SFXN5: variants seen among roughly 807,000 people sequenced by gnomAD.
The protein encoded by SFXN5 is sideroflexin-5.
SFXN5 carries 43 observed loss-of-function variants against 50.2 expected under a neutral mutation model. The ratio of observed to expected loss-of-function variants is 0.86; its 90% CI spans 0.67 to 1.11. SFXN5 has a LOEUF of 1.11. SFXN5 is among the 50% of genes least tolerant of loss of function. The probability of loss-of-function intolerance (pLI) is 0.00; values close to 1 mark genes in which losing one functional copy is unlikely to be tolerated. For missense variants in SFXN5, 463 were observed against 454.1 expected (o/e 1.02, Z -0.18); for synonymous variants, 203 against 185.8 (o/e 1.09, Z -0.75).
chr2:73,014,708 G>A (rs1675938366), intron 6 of SFXN5, among the ~76,000 whole-genome samples: 1 of 152,036 alleles, frequency 6.6e-6, no homozygotes, highest in South Asian at 2.1e-4. Flanking sequence ...TCTCTATTAA[G>A]GTCTTGAATA....
chr2:73,046,057 A>AAAAACAACCATGGCTTCC (rs150924610), intron 2 of SFXN5, among the ~76,000 whole-genome samples: 27,261 of 152,092 alleles, frequency 0.18, 4,612 homozygotes, highest in African/African-American at 0.45. Context: ...CAAGAACTTT[A>AAAAACAACCATGGCTTCC]AGCCTGGCTA....
At chr2:72,951,738 G>A (rs976758864) in intron 13 of SFXN5, among the ~76,000 whole-genome samples, 5 of 151,688 alleles carry the variant, frequency 3.3e-5, no homozygotes, top group Non-Finnish European at 5.9e-5. Context: ...TGGGGTGTTC[G>A]GTGTGACCCT....
intron 3 of SFXN5, among the ~76,000 whole-genome samples, chr2:73,036,453 C>A (rs1357914919): frequency 6.6e-6 from 1 of 152,172 alleles, no homozygotes; most frequent in Non-Finnish European, 1.5e-5. Context: ...CTGCAGGCAT[C>A]ACCAACATGA....
At chr2:72,996,663 C>T (rs965794079) in intron 9 of SFXN5, 7 of 151,992 alleles carry the variant, frequency 4.6e-5, no homozygotes, top group Admixed American at 4.6e-4. Context: ...TGTGCACCAC[C>T]ACACCTAATT....
chr2:73,071,631 G>C lies in SFXN5; in HGVS notation c.75C>G (p.Phe25Leu), dbSNP rs7422219. ...GCTGGAAGCGGGGTTTGCCCAGTTG[G>C]AAAGGAGGTGCATCGCTCGAGGCGC... ...AASASSDAPP[F>L]QLGKPRFQQT... Residue 25 changes from phenylalanine to leucine, a missense_variant, in exon 1 of 14, where the codon TTC becomes TTG. Transcript: ENST00000272433. 1 of 1,613,826 alleles carries C rather than the reference G, an allele frequency of 6.2e-7. No homozygotes were observed. Among genetic ancestry groups the C allele is most frequent in the Admixed American group, 1.7e-5 (1 of 60,012 alleles).
At chr2:72,990,521 G>A (rs1205279477) in intron 9 of SFXN5, among the ~76,000 whole-genome samples, 1 of 152,188 alleles carries the variant, frequency 6.6e-6, no homozygotes, top group South Asian at 2.1e-4. Context: ...TGAAGAGGAG[G>A]GGGGCTCGGG....
At chr2:73,001,135 C>G (rs1673857178) in intron 7 of SFXN5, among the ~76,000 whole-genome samples, 1 of 152,230 alleles carries the variant, frequency 6.6e-6, no homozygotes, top group African/African-American at 2.4e-5. Context: ...GTGGATTTAG[C>G]TTCCTCAGCA....
chr2:72,945,241 C>A lies in SFXN5; in HGVS notation c.946-142G>T. The A allele has an allele frequency of 4.1e-6, 3 of 725,022 alleles. No individual in the cohort carries two copies. Among genetic ancestry groups the A allele is most frequent in the Non-Finnish European group, 7.2e-6 (3 of 418,362 alleles). The allele number at this position is 725,022 out of a possible 1,614,324, so 44.9% of individuals were successfully genotyped here. On this transcript the variant is annotated intron_variant, in intron 13 of 13. Coordinates refer to ENST00000272433, the MANE Select transcript of SFXN5 (RefSeq NM_144579.3). This position sits in a 1 kb window ranked among gnomAD's most constrained non-coding sequence, Gnocchi z 5.8. ...TCCACCCCAGCCAGGGCTCACATGCCCTACCTAGTGACACATCTTCCTTCT... is the reference window on the plus strand; with the variant it reads ...TCCACCCCAGCCAGGGCTCACATGCACTACCTAGTGACACATCTTCCTTCT...
intron 10 of SFXN5, among the ~76,000 whole-genome samples, chr2:72,983,787 C>T (rs1486296861): frequency 5.9e-5 from 9 of 152,136 alleles, no homozygotes; most frequent in Non-Finnish European, 8.8e-5. Flanking sequence ...AGGACTTGGC[C>T]CTCCTTCCTG....
chr2:73,001,665 T>A, intron 6 of SFXN5, 87 bp from the exon 7 acceptor site: 1 of 1,286,740 alleles, frequency 7.8e-7, no homozygotes, highest in Non-Finnish European at 1.1e-6. Context: ...CACAAATGAG[T>A]GAGCTGGATC....
rs529887749 is a variant in SFXN5, at chr2:73,056,255, G to A, written c.171+2273C>T. 1.2e-4 allele frequency among the ~76,000 whole-genome samples: 19 copies of A among 152,258 alleles called. No individual in the cohort carries two copies. The South Asian group carries it at 3.9e-3, about 32-fold the overall frequency. On this transcript the variant is annotated intron_variant, in intron 2 of 13. Coordinates refer to ENST00000272433, the MANE Select transcript of SFXN5 (RefSeq NM_144579.3). ...AAATTAGCCTGTTGTGGTGGCAGGT[G>A]CCTGTAATCCCAGCTAATTTGGAGG...
intron 6 of SFXN5, among the ~76,000 whole-genome samples, chr2:73,009,016 G>A (rs2105756007): frequency 6.6e-6 from 1 of 152,266 alleles, no homozygotes; most frequent in African/African-American, 2.4e-5. Flanking sequence ...TGGGCAGAAG[G>A]CAGCTTGACT....
chr2:72,965,103 G>T (rs1001301892), intron 12 of SFXN5, among the ~76,000 whole-genome samples: 1 of 152,208 alleles, frequency 6.6e-6, no homozygotes, highest in African/African-American at 2.4e-5. Flanking sequence ...ACCCTAGCAG[G>T]CAAACACACA....
chr2:72,971,716 TGAG>T (rs1559105232), intron 10 of SFXN5, 31 bp from the exon 11 acceptor site: 2 of 1,562,440 alleles, frequency 1.3e-6, no homozygotes, highest in East Asian at 2.2e-5. Context: ...GAGAGCAGGA[TGAG>T]GAGGAAGATG....
At chr2:73,068,015 G>C (rs1210786503) in intron 1 of SFXN5, among the ~76,000 whole-genome samples, 2 of 152,126 alleles carry the variant, frequency 1.3e-5, no homozygotes, top group Non-Finnish European at 1.5e-5. Context: ...CCATCTTATG[G>C]GGAGAAAGAT....
chr2:72,988,216 C>A, intron 10 of SFXN5, 42 bp downstream of exon 10: 1 of 1,578,382 alleles, frequency 6.3e-7, no homozygotes, highest in Non-Finnish European at 8.7e-7. Context: ...CGGTCCCCCA[C>A]ACCCACCCAC....
intron 9 of SFXN5, 86 bp from the exon 10 acceptor site, chr2:72,988,434 C>A (rs533032059): frequency 1.4e-5 from 16 of 1,134,792 alleles, no homozygotes; most frequent in Non-Finnish European, 1.9e-5. Context: ...GGAGGAACAT[C>A]AGAGAGTGAG....
In SFXN5 at chr2:73,031,737, T is replaced by A. The variant is rs539264186; in HGVS notation, c.250-8523A>T. On this transcript the variant is annotated intron_variant, in intron 3 of 13. Coordinates refer to ENST00000272433, the MANE Select transcript of SFXN5 (RefSeq NM_144579.3). ...ACAAAAATTCCTAGTCATGATCTGA[T>A]CTTGTTTGGGCTGATCCCATCACCA... Among the ~76,000 whole-genome samples, 5 of 152,300 alleles carry A rather than the reference T, an allele frequency of 3.3e-5. No homozygotes were observed. In the East Asian group the frequency reaches 9.7e-4, roughly 29 times the overall value.
intron 6 of SFXN5, among the ~76,000 whole-genome samples, chr2:73,004,554 G>C (rs563699083): frequency 6.6e-6 from 1 of 152,304 alleles, no homozygotes; most frequent in Non-Finnish European, 1.5e-5. Context: ...AGGTAGGAGT[G>C]AGCCGAGGGG....
Sources: allele counts gnomAD v4.1 joint callset (sites outside exome capture counted in the v4.1 genomes callset), GRCh38; gene constraint gnomAD v4.1.1; non-coding constraint Gnocchi (gnomAD v3.1); transcripts MANE v1.5; gene names NCBI Gene and HGNC (gene_info 2026-07-23, HGNC 2026-07-21).